TDRD12: variants seen among roughly 807,000 people sequenced by gnomAD.
The protein encoded by TDRD12 is tudor domain containing 12, also known as putative ATP-dependent RNA helicase TDRD12.
TDRD12 carries 158 observed loss-of-function variants against 133.5 expected under a neutral mutation model. The observed-to-expected ratio is 1.18, with a 90% CI of 1.04 to 1.35. The LOEUF is 1.35. Among genes scored for constraint, TDRD12 ranks in the 40% most tolerant of loss-of-function variants. The probability of loss-of-function intolerance (pLI) is 0.00; values close to 1 mark genes in which losing one functional copy is unlikely to be tolerated. For missense variants in TDRD12, 1,443 were observed against 1,321.3 expected, an observed-to-expected ratio of 1.09 and a Z score of -1.43; for synonymous variants, 460 against 477.9, an observed-to-expected ratio of 0.96 and a Z score of 0.49.
rs1971441483 is a variant in TDRD12 at position 32,802,912 on chromosome 19, C to A, written c.2332-10C>A. On this transcript the variant is annotated splice_polypyrimidine_tract_variant and intron_variant, in intron 20 of 27. Transcript: ENST00000444215. ...ATGATCCACTTCCTTTATTCACCCC[C>A]AATTTTCAGGGTTCTCCTGCAGAAC... The A allele has an allele frequency of 6.5e-7, 1 of 1,532,096 alleles. No individual in the cohort carries two copies. Among genetic ancestry groups the A allele is most frequent in the African/African-American group, 1.4e-5 (1 of 72,860 alleles). The allele number at this position is 1,532,096 out of a possible 1,614,324, so 94.9% of individuals were successfully genotyped here. A position where few individuals can be genotyped will look rare whatever the true frequency, so the allele number is the denominator to read the frequency against.
intron 11 of TDRD12, among the ~76,000 whole-genome samples, chr19:32,788,662 T>C (rs2145654518): frequency 6.6e-6 from 1 of 152,300 alleles, no homozygotes; most frequent in African/African-American, 2.4e-5. Flanking sequence ...GGTGCATTAC[T>C]CGGTTTTTAA....
At chr19:32,736,435 G>T (rs1316230892) in intron 2 of TDRD12, among the ~76,000 whole-genome samples, 1 of 152,168 alleles carries the variant, frequency 6.6e-6, no homozygotes, top group African/African-American at 2.4e-5. Flanking sequence ...AGTGCACCTG[G>T]TCACTGAAGA....
At chr19:32,723,790 T>C (rs1159700156) in intron 1 of TDRD12, among the ~76,000 whole-genome samples, 4 of 152,186 alleles carry the variant, frequency 2.6e-5, no homozygotes, top group African/African-American at 9.7e-5. Flanking sequence ...CAGTGTTTTA[T>C]AACTTTCAGC....
downstream of TDRD12, among the ~76,000 whole-genome samples, chr19:32,822,784 T>G (rs529306484): frequency 1.3e-5 from 2 of 151,276 alleles, no homozygotes; most frequent in East Asian, 3.9e-4. Context: ...CCCAAGCCCC[T>G]TGTGGAAGGA....
downstream of TDRD12, chr19:32,826,033 T>G: frequency 8.3e-7 from 1 of 1,205,396 alleles, no homozygotes; most frequent in South Asian, 1.3e-5. Context: ...TATATATATA[T>G]GTGTGTACAT....
chr19:32,756,489 A>G (rs1599864161), intron 7 of TDRD12, among the ~76,000 whole-genome samples: 2 of 151,888 alleles, frequency 1.3e-5, no homozygotes, highest in Admixed American at 1.3e-4. Context: ...CCAGGTTCAC[A>G]CCATTCTCCT....
At chr19:32,807,514 C>T (rs772380892) in intron 21 of TDRD12, 35 bp from the exon 22 acceptor site, 4 of 1,372,846 alleles carry the variant, frequency 2.9e-6, no homozygotes, top group Non-Finnish European at 2.9e-6. Flanking sequence ...ACAATTATTA[C>T]TTACTTATGA....
At chr19:32,765,881 A>G (rs1051583644) in intron 8 of TDRD12, among the ~76,000 whole-genome samples, 6 of 151,986 alleles carry the variant, frequency 3.9e-5, no homozygotes, top group Non-Finnish European at 5.9e-5. Flanking sequence ...CTAAAACTTA[A>G]AGTATAATTT....
At chr19:32,773,336 A>C in intron 9 of TDRD12, 120 bp from the exon 10 acceptor site, 2 of 858,200 alleles carry the variant, frequency 2.3e-6, no homozygotes, top group South Asian at 1.5e-5. Context: ...CTGTGTGTGC[A>C]TGAAAGATGT....
chr19:32,822,187 T>C (rs551612521), downstream of TDRD12, among the ~76,000 whole-genome samples: 4 of 152,326 alleles, frequency 2.6e-5, no homozygotes, highest in East Asian at 5.8e-4. Context: ...CCCAACACTT[T>C]GGGGGGCTGA....
At chr19:32,746,215 T>TGA (rs1035328878) in intron 4 of TDRD12, among the ~76,000 whole-genome samples, 7 of 144,624 alleles carry the variant, frequency 4.8e-5, no homozygotes, top group South Asian at 2.2e-4. Flanking sequence ...ATTCTGTGTG[T>TGA]GAGAGAGAGA....
At chr19:32,749,996 C>T in intron 6 of TDRD12, 127 bp downstream of exon 6, 1 of 648,998 alleles carries the variant, frequency 1.5e-6, no homozygotes, top group East Asian at 3.0e-5. Context: ...CTCTTAAGGT[C>T]TATCTTAGAC....
At chr19:32,811,119 T>C in intron 23 of TDRD12, 91 bp from the exon 24 acceptor site, 1 of 1,051,078 alleles carries the variant, frequency 9.5e-7, no homozygotes, top group Non-Finnish European at 1.4e-6. Flanking sequence ...TTTTGGAGTC[T>C]TTTTATATGT....
intron 10 of TDRD12, among the ~76,000 whole-genome samples, chr19:32,774,562 C>G (rs1970528329): frequency 6.6e-6 from 1 of 151,994 alleles, no homozygotes; most frequent in South Asian, 2.1e-4. Flanking sequence ...AAGATGTTGT[C>G]CCACTGTCTT....
At chr19:32,805,409 AT>A (rs1292975785) in intron 21 of TDRD12, among the ~76,000 whole-genome samples, 3 of 151,522 alleles carry the variant, frequency 2.0e-5, no homozygotes, top group African/African-American at 4.8e-5. Context: ...GAAAAAAAAA[AT>A]ATGTGTGTAA....
intron 1 of TDRD12, among the ~76,000 whole-genome samples, chr19:32,728,999 T>C (rs1486577907): frequency 1.3e-5 from 2 of 150,708 alleles, no homozygotes; most frequent in African/African-American, 4.9e-5. Flanking sequence ...CTTGTGTGTG[T>C]GTATCTATAT....
intron 5 of TDRD12, among the ~76,000 whole-genome samples, chr19:32,749,224 A>T (rs1044845350): frequency 2.6e-5 from 4 of 152,198 alleles, no homozygotes; most frequent in African/African-American, 7.2e-5. Flanking sequence ...CCTGTGAGCC[A>T]TGGGGGCTGC....
intron 16 of TDRD12, 92 bp downstream of exon 16, chr19:32,798,527 G>T (rs939023418): frequency 1.9e-6 from 2 of 1,072,620 alleles, no homozygotes; most frequent in Non-Finnish European, 2.5e-6. Context: ...TCTGGTTGGG[G>T]AATACATTGG....
In TDRD12 at chr19:32,720,103, GC is replaced by G; in HGVS notation, c.24+9del. On this transcript the variant is annotated splice_region_variant and intron_variant, in intron 1 of 27. Transcript: ENST00000444215. ...CCAGCTCCTGGTGCTGAAGGTGAGCGCCGCCAAGCCAGACCCACGCCAGACC... is the reference window on the plus strand; with the variant it reads ...CCAGCTCCTGGTGCTGAAGGTGAGCGCGCCAAGCCAGACCCACGCCAGACC... 6.5e-7 allele frequency: 1 copy of G among 1,547,496 alleles called. No homozygotes were observed. Among genetic ancestry groups the G allele is most frequent in the Non-Finnish European group, 8.7e-7 (1 of 1,146,134 alleles).
Sources: gnomAD v4.1 joint callset for allele counts (sites outside exome capture counted in the v4.1 genomes callset) on GRCh38, gnomAD v4.1.1 for gene constraint, MANE v1.5 for transcripts, NCBI Gene and HGNC (gene_info 2026-07-23, HGNC 2026-07-21) for gene names.